LRMDA: variants seen among roughly 807,000 people sequenced by gnomAD.
LRMDA encodes leucine-rich melanocyte differentiation-associated protein.
Under a neutral mutation model 29.8 loss-of-function variants are expected in LRMDA, and 18 were observed. That is an observed-to-expected ratio of 0.60 (90% CI 0.42 to 0.90). The LOEUF is 0.90. Ranked by LOEUF, LRMDA falls within the 40% of genes least tolerant of loss-of-function variation. The pLI is 0.00. For synonymous variants in LRMDA, 125 were observed against 109.4 expected (o/e 1.14, Z -0.89); for missense variants, 273 against 273.9 (o/e 1.00, Z 0.02).
chr10:76,169,078 A>G (rs892931246), intron 5 of LRMDA, among the ~76,000 whole-genome samples: 1 of 152,236 alleles, frequency 6.6e-6, no homozygotes, highest in Non-Finnish European at 1.5e-5. Flanking sequence ...TATGAAAATC[A>G]GTCTTTCTTT....
chr10:75,747,303 C>T (rs1323382724), intron 2 of LRMDA, among the ~76,000 whole-genome samples: 1 of 152,032 alleles, frequency 6.6e-6, no homozygotes, highest in Admixed American at 6.5e-5. Flanking sequence ...AATATAATTC[C>T]TGTCTTCTAA....
rs138306609 is a variant in LRMDA, at chr10:75,569,988, G to A, written c.131+131494G>A. On this transcript the variant is annotated intron_variant, in intron 2 of 6. Transcript: ENST00000611255. ...CAAAGTAAGCAGATAACCCACAGGA[G>A]ACTTTTGCTTTGCTTTGGGGTGTAC... 2.8e-3 allele frequency among the ~76,000 whole-genome samples: 428 copies of A among 152,354 alleles called. 6 individuals carry two copies. Among genetic ancestry groups the A allele is most frequent in the African/African-American group, 0.01 (416 of 41,576 alleles).
At chr10:76,087,067 T>C (rs781419968) in intron 5 of LRMDA, among the ~76,000 whole-genome samples, 4 of 152,048 alleles carry the variant, frequency 2.6e-5, no homozygotes, top group African/African-American at 9.7e-5. Flanking sequence ...TCTTGGAAAA[T>C]CATCTCCCAG....
At chr10:76,220,418 T>TA (rs2132256900) in intron 5 of LRMDA, among the ~76,000 whole-genome samples, 1 of 151,446 alleles carries the variant, frequency 6.6e-6, no homozygotes, top group East Asian at 1.9e-4. Flanking sequence ...ATAGACGCAA[T>TA]AAAAAATGAT....
chr10:76,316,990 T>C (rs747525929), intron 5 of LRMDA, among the ~76,000 whole-genome samples: 12 of 152,218 alleles, frequency 7.9e-5, no homozygotes, highest in Non-Finnish European at 1.5e-4. Flanking sequence ...AAATTAGGAC[T>C]GGCCCCTACC....
chr10:76,508,710 C>T (rs547138245), intron 6 of LRMDA, among the ~76,000 whole-genome samples: 27 of 152,118 alleles, frequency 1.8e-4, no homozygotes, highest in African/African-American at 5.3e-4. Context: ...AATCTGATGA[C>T]TTTTACTGGA....
At chr10:76,457,812 T>A (rs930942487) in intron 6 of LRMDA, among the ~76,000 whole-genome samples, 1 of 152,168 alleles carries the variant, frequency 6.6e-6, no homozygotes, top group Admixed American at 6.6e-5. Context: ...GTATCTTCCT[T>A]AGGAGCAATC....
At chr10:76,273,342 A>G (rs1456447754) in intron 5 of LRMDA, among the ~76,000 whole-genome samples, 3 of 152,160 alleles carry the variant, frequency 2.0e-5, no homozygotes, top group South Asian at 2.1e-4. Flanking sequence ...CACCTTGACA[A>G]CCAATGACTT....
chr10:75,639,863 A>G (rs545423954), intron 2 of LRMDA, among the ~76,000 whole-genome samples: 2 of 152,298 alleles, frequency 1.3e-5, no homozygotes, highest in South Asian at 4.1e-4. Flanking sequence ...GCGGACATTA[A>G]GATTAAGTGA....
At chr10:76,137,413 C>T (rs556881281) in intron 5 of LRMDA, among the ~76,000 whole-genome samples, 8 of 152,206 alleles carry the variant, frequency 5.3e-5, no homozygotes, top group Non-Finnish European at 8.8e-5. Flanking sequence ...TTCACCAAGA[C>T]GAGGGGCAAC....
chr10:76,181,863 G>A (rs1340367930), intron 5 of LRMDA, among the ~76,000 whole-genome samples: 1 of 152,306 alleles, frequency 6.6e-6, no homozygotes. Context: ...ACATAATTTA[G>A]CTCCTGCTTG....
chr10:76,093,804 C>T (rs1849270986), intron 5 of LRMDA, among the ~76,000 whole-genome samples: 1 of 152,178 alleles, frequency 6.6e-6, no homozygotes, highest in Admixed American at 6.5e-5. Context: ...GCTGAGGTCT[C>T]ACGTTCCCCC....
At position 76,370,408 on chromosome 10, in the gene LRMDA, A is replaced by G. The variant is rs140188589; in HGVS notation, c.601+45923A>G. On this transcript the variant is annotated intron_variant, in intron 6 of 6. Transcript: ENST00000611255. ...TATCTACAAACCTTACCTAACAGCTATAATTATTTCATTTGTATTCACTAT... is the reference window on the plus strand; with the variant it reads ...TATCTACAAACCTTACCTAACAGCTGTAATTATTTCATTTGTATTCACTAT... 3.1e-3 allele frequency among the ~76,000 whole-genome samples: 474 copies of G among 152,288 alleles called. 4 individuals carry two copies. Among genetic ancestry groups the G allele is most frequent in the African/African-American group, 0.011 (444 of 41,562 alleles).
chr10:75,771,636 G>T (rs985381752), intron 2 of LRMDA, among the ~76,000 whole-genome samples: 12 of 152,138 alleles, frequency 7.9e-5, no homozygotes, highest in African/African-American at 2.9e-4. Flanking sequence ...CTCTGCTTAG[G>T]AGTTGGAATT....
chr10:76,282,049 A>G (rs143406134), intron 5 of LRMDA, among the ~76,000 whole-genome samples: 155 of 152,316 alleles, frequency 1.0e-3, no homozygotes, highest in Non-Finnish European at 1.9e-3. Context: ...GTAATTATAG[A>G]AAGTTTATTT....
intron 5 of LRMDA, among the ~76,000 whole-genome samples, chr10:76,214,198 G>C (rs1851684718): frequency 6.6e-6 from 1 of 152,118 alleles, no homozygotes; most frequent in African/African-American, 2.4e-5. Context: ...TCCAGTCCCA[G>C]AAGTCACATA....
At chr10:76,546,680 C>T (rs1843424807) in intron 6 of LRMDA, among the ~76,000 whole-genome samples, 1 of 152,182 alleles carries the variant, frequency 6.6e-6, no homozygotes, top group Non-Finnish European at 1.5e-5. Context: ...TTTGTGTTTA[C>T]TCCTTCCCTG....
chr10:76,014,255 A>T (rs1467993293), intron 2 of LRMDA, among the ~76,000 whole-genome samples: 1 of 150,332 alleles, frequency 6.7e-6, no homozygotes, highest in African/African-American at 2.5e-5. Flanking sequence ...AGATCATATG[A>T]CCCACAAATC....
At chr10:76,525,862 G>T (rs547354344) in intron 6 of LRMDA, among the ~76,000 whole-genome samples, 1 of 152,216 alleles carries the variant, frequency 6.6e-6, no homozygotes, top group African/African-American at 2.4e-5. Context: ...TGACCTGTTT[G>T]TCTCTGTATC....
Sources: allele counts gnomAD v4.1 joint callset (sites outside exome capture counted in the v4.1 genomes callset), GRCh38; gene constraint gnomAD v4.1.1; transcripts MANE v1.5; gene names NCBI Gene and HGNC (gene_info 2026-07-23, HGNC 2026-07-21).